GRID1: variants seen among roughly 807,000 people sequenced by gnomAD.
The protein encoded by GRID1 is glutamate receptor ionotropic, delta-1.
In GRID1, 28 loss-of-function variants were observed where a neutral mutation model predicts 98.0. That is an observed-to-expected ratio of 0.29 (90% CI 0.21 to 0.39). The LOEUF (loss-of-function observed/expected upper bound fraction) is 0.39. GRID1 is among the 10% of genes least tolerant of loss of function. The pLI is 1.00. For missense variants in GRID1, 1,111 were observed against 1,340.5 expected, an observed-to-expected ratio of 0.83 and a Z score of 2.67; for synonymous variants, 553 against 538.5, an observed-to-expected ratio of 1.03 and a Z score of -0.37.
intron 12 of GRID1, among the ~76,000 whole-genome samples, chr10:85,665,335 T>C (rs888799349): frequency 3.9e-5 from 6 of 152,152 alleles, no homozygotes; most frequent in African/African-American, 1.4e-4. Flanking sequence ...TGGTCCACCC[T>C]CCCATGTTTC....
intron 2 of GRID1, among the ~76,000 whole-genome samples, chr10:86,361,188 T>C (rs1341767958): frequency 6.6e-6 from 1 of 152,134 alleles, no homozygotes; most frequent in East Asian, 1.9e-4. Flanking sequence ...GCTGAGCACC[T>C]GCAGCAGAGC....
At chr10:85,691,790 C>A (rs893348599) in intron 12 of GRID1, among the ~76,000 whole-genome samples, 1 of 152,194 alleles carries the variant, frequency 6.6e-6, no homozygotes, top group African/African-American at 2.4e-5. Context: ...CCCAAATGTG[C>A]CATACATATT....
chr10:85,777,150 C>T (rs1842339214), intron 8 of GRID1, among the ~76,000 whole-genome samples: 1 of 152,192 alleles, frequency 6.6e-6, no homozygotes, highest in Non-Finnish European at 1.5e-5. Context: ...TCTCCTCTGG[C>T]CTACCAACCA....
At chr10:86,021,030 T>C (rs1251260433) in intron 4 of GRID1, among the ~76,000 whole-genome samples, 5 of 130,990 alleles carry the variant, frequency 3.8e-5, no homozygotes, top group Non-Finnish European at 8.0e-5. Context: ...TTCTCATATG[T>C]GGTTAATTCA....
intron 4 of GRID1, among the ~76,000 whole-genome samples, chr10:86,128,405 C>A (rs1844785504): frequency 6.6e-6 from 1 of 152,130 alleles, no homozygotes; most frequent in South Asian, 2.1e-4. Context: ...TTCTTTTCTC[C>A]CCTACCTTCA....
intron 2 of GRID1, among the ~76,000 whole-genome samples, chr10:86,257,695 G>T (rs1303974789): frequency 6.6e-6 from 1 of 152,166 alleles, no homozygotes; most frequent in Non-Finnish European, 1.5e-5. Context: ...CTATGGGGAA[G>T]AATTAGAAGG....
intron 4 of GRID1, among the ~76,000 whole-genome samples, chr10:86,104,331 G>A (rs1844347206): frequency 6.6e-6 from 1 of 152,200 alleles, no homozygotes; most frequent in Non-Finnish European, 1.5e-5. Context: ...GGCCTCAGCA[G>A]GTGCAGGGGT....
At chr10:86,264,442 G>A (rs1329157293) in intron 2 of GRID1, among the ~76,000 whole-genome samples, 1 of 152,178 alleles carries the variant, frequency 6.6e-6, no homozygotes, top group Non-Finnish European at 1.5e-5. Flanking sequence ...CCACCACTCA[G>A]TCCCTTGGAT....
intron 4 of GRID1, among the ~76,000 whole-genome samples, chr10:86,030,359 G>C (rs1467006850): frequency 6.6e-6 from 1 of 152,168 alleles, no homozygotes; most frequent in Non-Finnish European, 1.5e-5. Flanking sequence ...ATTCCCCAAA[G>C]GTTAACAATA....
chr10:86,296,976 C>G (rs983508840), intron 2 of GRID1, among the ~76,000 whole-genome samples: 1 of 152,122 alleles, frequency 6.6e-6, no homozygotes, highest in Non-Finnish European at 1.5e-5. Context: ...GTAAAGAAAA[C>G]TACCAAACTT....
intron 4 of GRID1, among the ~76,000 whole-genome samples, chr10:86,045,044 C>T (rs530920351): frequency 6.6e-5 from 10 of 152,310 alleles, no homozygotes; most frequent in East Asian, 1.9e-4. Flanking sequence ...CTTGCTCCGG[C>T]GCAGCCTGCA....
Position 86,366,449 on chromosome 10 carries a change from G to T in GRID1, c.-57C>A. The T allele has an allele frequency of 7.8e-7, 1 of 1,276,958 alleles. No homozygotes were observed. Among genetic ancestry groups the T allele is most frequent in the African/African-American group, 1.6e-5 (1 of 63,514 alleles). 79.1% of individuals were successfully genotyped at this position (1,276,958 alleles called of 1,614,324 possible). A position where few individuals can be genotyped will look rare whatever the true frequency, so the allele number is the denominator to read the frequency against. ...CCCGGGGCGAGGCCGAGGGCAGCGCGAAGCGGGGAGGCGCTGGTCCCGGTG... is the reference window on the plus strand; with the variant it reads ...CCCGGGGCGAGGCCGAGGGCAGCGCTAAGCGGGGAGGCGCTGGTCCCGGTG... On this transcript the variant is annotated 5_prime_UTR_variant, in exon 1 of 16. Coordinates refer to ENST00000327946, the MANE Select transcript of GRID1 (RefSeq NM_017551.3). This position sits in a 1 kb window ranked among gnomAD's most constrained non-coding sequence, Gnocchi z 4.1.
At chr10:85,784,192 G>T (rs1296208141) in intron 8 of GRID1, among the ~76,000 whole-genome samples, 3 of 152,174 alleles carry the variant, frequency 2.0e-5, no homozygotes. Context: ...GTCTAAACAG[G>T]AATCATCTAG....
At chr10:85,929,543 A>C (rs1841821515) in intron 4 of GRID1, among the ~76,000 whole-genome samples, 1 of 152,242 alleles carries the variant, frequency 6.6e-6, no homozygotes, top group Non-Finnish European at 1.5e-5. Context: ...TTTAAAATTT[A>C]AATATCAAAA....
intron 2 of GRID1, among the ~76,000 whole-genome samples, chr10:86,263,599 C>T (rs1203411916): frequency 6.6e-6 from 1 of 152,242 alleles, no homozygotes; most frequent in African/African-American, 2.4e-5. Context: ...TCCTGCTGTG[C>T]CACTCACTAG....
intron 4 of GRID1, among the ~76,000 whole-genome samples, chr10:86,007,518 A>G (rs1842874758): frequency 6.6e-6 from 1 of 152,268 alleles, no homozygotes; most frequent in South Asian, 2.1e-4. Flanking sequence ...ATTATCATAG[A>G]AACTGTACTG....
intron 5 of GRID1, among the ~76,000 whole-genome samples, chr10:85,907,512 T>C (rs931071006): frequency 2.0e-5 from 3 of 152,250 alleles, no homozygotes; most frequent in Non-Finnish European, 4.4e-5. Flanking sequence ...CTATCTCTAA[T>C]ACATAAATTT....
intron 4 of GRID1, among the ~76,000 whole-genome samples, chr10:85,989,852 G>A (rs757477093): frequency 6.6e-6 from 1 of 152,198 alleles, no homozygotes; most frequent in East Asian, 1.9e-4. Context: ...CTCCCAAGAC[G>A]ATGGTATTAG....
chr10:86,101,004 G>C (rs905812516), intron 4 of GRID1, among the ~76,000 whole-genome samples: 8 of 152,126 alleles, frequency 5.3e-5, no homozygotes, highest in African/African-American at 1.9e-4. Flanking sequence ...GACTGATAGG[G>C]GGACTTTTGG....
Sources: gnomAD v4.1 joint callset for allele counts (sites outside exome capture counted in the v4.1 genomes callset) on GRCh38, gnomAD v4.1.1 for gene constraint, Gnocchi (gnomAD v3.1) non-coding constraint, MANE v1.5 for transcripts, NCBI Gene and HGNC (gene_info 2026-07-23, HGNC 2026-07-21) for gene names.